Variants in CNTNAP2 observed in about 807,000 individuals in gnomAD.
CNTNAP2 encodes the protein contactin associated protein 2, also known as contactin-associated protein-like 2.
In CNTNAP2, 98 loss-of-function variants were observed where a neutral mutation model predicts 155.2. The observed-to-expected ratio is 0.63, with a 90% CI of 0.54 to 0.75. CNTNAP2 has a LOEUF of 0.75. Ranked by LOEUF, CNTNAP2 falls within the 30% of genes least tolerant of loss-of-function variation. The pLI is 0.00. For missense variants in CNTNAP2, 1,727 were observed against 1,688.1 expected, an observed-to-expected ratio of 1.02 and a Z score of -0.40; for synonymous variants, 651 against 631.2, an observed-to-expected ratio of 1.03 and a Z score of -0.47.
At chr7:146,870,794 A>T (rs1383920531) in intron 3 of CNTNAP2, among the ~76,000 whole-genome samples, 2 of 152,164 alleles carry the variant, frequency 1.3e-5, no homozygotes, top group Non-Finnish European at 2.9e-5. Context: ...TTTTATTAAA[A>T]ATAAGCAATT....
intron 3 of CNTNAP2, among the ~76,000 whole-genome samples, chr7:147,010,102 C>T (rs769564281): frequency 6.6e-6 from 1 of 151,036 alleles, no homozygotes; most frequent in African/African-American, 2.4e-5. Flanking sequence ...TTCCACTTCC[C>T]GGGTTGAAGT....
At chr7:147,325,910 A>G (rs1316028721) in intron 9 of CNTNAP2, among the ~76,000 whole-genome samples, 1 of 151,950 alleles carries the variant, frequency 6.6e-6, no homozygotes, top group Middle Eastern at 3.2e-3. Context: ...TCCAGCCTCC[A>G]CTAACCAGCA....
At chr7:147,356,743 A>G (rs1796068785) in intron 9 of CNTNAP2, among the ~76,000 whole-genome samples, 1 of 152,126 alleles carries the variant, frequency 6.6e-6, no homozygotes, top group Admixed American at 6.6e-5. Flanking sequence ...TACATAAGCC[A>G]TTGACCATTT....
chr7:147,643,906 A>C (rs933013784), intron 13 of CNTNAP2, among the ~76,000 whole-genome samples: 1 of 152,164 alleles, frequency 6.6e-6, no homozygotes, highest in Non-Finnish European at 1.5e-5. Context: ...ACCCATTATT[A>C]GTATCTTCCA....
chr7:146,906,153 G>A (rs1028680035), intron 3 of CNTNAP2, among the ~76,000 whole-genome samples: 55 of 152,280 alleles, frequency 3.6e-4, no homozygotes, highest in African/African-American at 1.1e-3. Flanking sequence ...AGGGTCCTAC[G>A]CCCACGGAGT....
At chr7:148,083,431 C>T (rs1327160529) in intron 15 of CNTNAP2, among the ~76,000 whole-genome samples, 1 of 152,070 alleles carries the variant, frequency 6.6e-6, no homozygotes, top group African/African-American at 2.4e-5. Context: ...GAATGATGCA[C>T]ATTCCGAGGG....
chr7:147,463,701 A>G (rs893890656), intron 10 of CNTNAP2, among the ~76,000 whole-genome samples: 1 of 152,296 alleles, frequency 6.6e-6, no homozygotes, highest in Admixed American at 6.5e-5. Flanking sequence ...TCTGTCACAA[A>G]TGGCCTCTCA....
intron 1 of CNTNAP2, among the ~76,000 whole-genome samples, chr7:146,478,324 AAAAC>A (rs1296394249): frequency 6.6e-6 from 1 of 152,104 alleles, no homozygotes; most frequent in African/African-American, 2.4e-5. Flanking sequence ...CGAGAAAAAG[AAAAC>A]AAACAAACAT....
intron 11 of CNTNAP2, among the ~76,000 whole-genome samples, chr7:147,548,447 G>A (rs1348172601): frequency 2.6e-5 from 4 of 151,656 alleles, no homozygotes; most frequent in African/African-American, 9.7e-5. Flanking sequence ...ACTTTTTGAT[G>A]GGGTTGTTTG....
intron 16 of CNTNAP2, among the ~76,000 whole-genome samples, chr7:148,127,507 C>T (rs1364801776): frequency 6.6e-6 from 1 of 152,084 alleles, no homozygotes; most frequent in Non-Finnish European, 1.5e-5. Flanking sequence ...CATATCTCCA[C>T]AAAAATGTGC....
chr7:146,837,805 A>T (rs1036233727), intron 2 of CNTNAP2, among the ~76,000 whole-genome samples: 6 of 152,164 alleles, frequency 3.9e-5, no homozygotes, highest in Admixed American at 3.3e-4. Context: ...ATATCCCTAC[A>T]TATAATGCAT....
intron 18 of CNTNAP2, among the ~76,000 whole-genome samples, chr7:148,204,977 A>G (rs1795425429): frequency 6.6e-6 from 1 of 152,232 alleles, no homozygotes; most frequent in South Asian, 2.1e-4. Flanking sequence ...AAAAGTGCCC[A>G]TTGGCACCTA....
intron 8 of CNTNAP2, among the ~76,000 whole-genome samples, chr7:147,253,373 C>G (rs1804245983): frequency 6.8e-6 from 1 of 146,136 alleles, no homozygotes; most frequent in Admixed American, 6.9e-5. Flanking sequence ...ATTAGCTTAA[C>G]AGGTTCTCTG....
At chr7:146,899,813 C>A (rs1201956784) in intron 3 of CNTNAP2, among the ~76,000 whole-genome samples, 2 of 152,172 alleles carry the variant, frequency 1.3e-5, no homozygotes, top group Non-Finnish European at 2.9e-5. Context: ...TCAGAACCAT[C>A]CTCCAAAACA....
At chr7:148,356,375 C>T (rs1196510724) in intron 21 of CNTNAP2, among the ~76,000 whole-genome samples, 1 of 152,168 alleles carries the variant, frequency 6.6e-6, no homozygotes, top group East Asian at 1.9e-4. Flanking sequence ...GCCATGTGTG[C>T]TCTGACTTAC....
In CNTNAP2 at chr7:147,075,492, A is replaced by G. The variant is rs115069258; in HGVS notation, c.550+31438A>G. 5.5e-3 allele frequency among the ~76,000 whole-genome samples: 836 copies of G among 152,206 alleles called. 10 individuals are homozygous for G. The highest frequency in any genetic ancestry group is 0.019 in the African/African-American group (785 of 41,530). On this transcript the variant is annotated intron_variant, in intron 4 of 23. Transcript: ENST00000361727. ...TATAAGGATTCTGGTTCTTCTTGCT[A>G]TTTGGGGAGTAATATTTTGAAAATT... is the stretch of plus-strand genomic sequence containing the variant.
chr7:148,405,762 C>A (rs1436097808), intron 22 of CNTNAP2, among the ~76,000 whole-genome samples: 1 of 151,134 alleles, frequency 6.6e-6, no homozygotes, highest in East Asian at 2.0e-4. Context: ...ACTACAGGCG[C>A]ACGCCATCAT....
intron 21 of CNTNAP2, among the ~76,000 whole-genome samples, chr7:148,309,552 A>G (rs1324934397): frequency 6.6e-6 from 1 of 152,082 alleles, no homozygotes; most frequent in Non-Finnish European, 1.5e-5. Context: ...ATTTTATAAG[A>G]TTCGGGTAAG....
chr7:148,120,393 A>C (rs572396548), intron 16 of CNTNAP2, among the ~76,000 whole-genome samples: 1 of 151,702 alleles, frequency 6.6e-6, no homozygotes, highest in Non-Finnish European at 1.5e-5. Context: ...CAGCCTCCCA[A>C]GTAGCTGGGA....
Sources: gnomAD v4.1 joint callset for allele counts (sites outside exome capture counted in the v4.1 genomes callset) on GRCh38, gnomAD v4.1.1 for gene constraint, MANE v1.5 for transcripts, NCBI Gene and HGNC (gene_info 2026-07-23, HGNC 2026-07-21) for gene names.